The following SINHCAF variants were observed in gnomAD, a reference collection of about 807,000 sequenced individuals.
SINHCAF encodes SIN3-HDAC complex-associated factor.
In SINHCAF, 3 loss-of-function variants were observed where a neutral mutation model predicts 25.8. The ratio of observed to expected loss-of-function variants is 0.12; its 90% CI spans 0.05 to 0.30. SINHCAF has a LOEUF of 0.30. SINHCAF is among the 10% of genes least tolerant of loss of function. The pLI, the probability that SINHCAF is intolerant of heterozygous loss-of-function variation, is 1.00. For missense variants in SINHCAF, 121 were observed against 262.3 expected (o/e 0.46, Z 3.72); for synonymous variants, 70 against 85.5 (o/e 0.82, Z 1.00).
chr12:31,287,493 C>T (rs982725920), intron 5 of SINHCAF, 141 bp downstream of exon 5: 4 of 519,072 alleles, frequency 7.7e-6, no homozygotes, highest in African/African-American at 7.7e-5. Context: ...ATCCCACTTC[C>T]CTGCTCAATT....
At chr12:31,296,523 C>T (rs1352325280) in intron 2 of SINHCAF, among the ~76,000 whole-genome samples, 1 of 152,014 alleles carries the variant, frequency 6.6e-6, no homozygotes, top group Admixed American at 6.6e-5. Flanking sequence ...AATAATGTGC[C>T]ATAATATTCC....
At position 31,295,337 on chromosome 12, in the gene SINHCAF, A is replaced by G. The variant is rs748691462; in HGVS notation, c.129-4T>C. The G allele has an allele frequency of 3.2e-6, 5 of 1,584,246 alleles. No individual in the cohort carries two copies. The highest frequency in any genetic ancestry group is 2.2e-5 in the South Asian group (2 of 89,016). ...TCCTGAACGAGTCTCATGCAATCTG[A>G]TAAGAAAACAATCAAACCTTTATCA... On this transcript the variant is annotated splice_polypyrimidine_tract_variant and splice_region_variant and intron_variant, in intron 2 of 5. Transcript: ENST00000337682.
chr12:31,301,941 T>A (rs1412014654), intron 1 of SINHCAF, among the ~76,000 whole-genome samples: 21 of 152,138 alleles, frequency 1.4e-4, no homozygotes, highest in Non-Finnish European at 2.9e-5. Flanking sequence ...AGTACCAAAT[T>A]TGTGCAATAT....
intron 4 of SINHCAF, among the ~76,000 whole-genome samples, chr12:31,293,581 C>G (rs1173194887): frequency 1.3e-5 from 2 of 152,170 alleles, no homozygotes; most frequent in Non-Finnish European, 2.9e-5. Flanking sequence ...TCAGTACAAT[C>G]TGAAGTGGTT....
At position 31,314,535 on chromosome 12, in the gene SINHCAF, A is replaced by AT. The variant is rs770368252; in HGVS notation, c.-21+11488_-21+11489insA. Among the ~76,000 whole-genome samples the AT allele has an allele frequency of 7.6e-4, 116 of 152,092 alleles. 1 individual carries two copies. Among genetic ancestry groups the AT allele is most frequent in the Non-Finnish European group, 2.2e-4 (15 of 68,002 alleles). On this transcript the variant is annotated intron_variant, in intron 1 of 5. Transcript: ENST00000337682. ...AGCGAGACTCCGTCTCAAAAAAAAA[A>AT]GAAAGATGAAGATAGAGTGAAGGTG...
At chr12:31,285,054 T>C (rs926813599) in intron 5 of SINHCAF, among the ~76,000 whole-genome samples, 7 of 152,208 alleles carry the variant, frequency 4.6e-5, no homozygotes, top group African/African-American at 1.7e-4. Context: ...ATAATATCTA[T>C]GAATGTGCTA....
At chr12:31,310,723 TTAA>T (rs1447380481) in intron 1 of SINHCAF, among the ~76,000 whole-genome samples, 1 of 152,202 alleles carries the variant, frequency 6.6e-6, no homozygotes. Flanking sequence ...TTGGGAAATT[TTAA>T]TAATATGTCA....
At chr12:31,315,892 G>A (rs992357794) in intron 1 of SINHCAF, among the ~76,000 whole-genome samples, 4 of 152,180 alleles carry the variant, frequency 2.6e-5, no homozygotes, top group African/African-American at 4.8e-5. Flanking sequence ...ATGGCCGGGC[G>A]TGGTGGCTCA....
chr12:31,324,630 G>C lies in SINHCAF; in HGVS notation c.-21+1394C>G, dbSNP rs1211733261. 3 of 258,118 alleles carry C rather than the reference G, an allele frequency of 1.2e-5. No homozygotes were observed. The highest frequency in any genetic ancestry group is 2.3e-5 in the African/African-American group (1 of 43,412). 16.0% of individuals were successfully genotyped at this position (258,118 alleles called of 1,614,324 possible). A position where few individuals can be genotyped will look rare whatever the true frequency, so the allele number is the denominator to read the frequency against. On this transcript the variant is annotated intron_variant, in intron 1 of 5. Coordinates refer to ENST00000337682, the MANE Select transcript of SINHCAF (RefSeq NM_001135812.2). The surrounding 1 kb of genome is among the most constrained non-coding windows in gnomAD (Gnocchi z 5.5). Reference sequence around the variant, plus strand: ...CAGGCGGCGGCCCCGAGCGCCGGGGGCCCGCACGGGCACATGCAGCCCTTT... The same window carrying C: ...CAGGCGGCGGCCCCGAGCGCCGGGGCCCCGCACGGGCACATGCAGCCCTTT...
intron 1 of SINHCAF, among the ~76,000 whole-genome samples, chr12:31,300,444 AC>A (rs1408278760): frequency 2.0e-5 from 3 of 152,192 alleles, no homozygotes; most frequent in Admixed American, 6.5e-5. Context: ...TTTAAAAAAA[AC>A]ATTTTTAGTT....
At chr12:31,320,737 T>A (rs1179615622) in intron 1 of SINHCAF, among the ~76,000 whole-genome samples, 1 of 152,192 alleles carries the variant, frequency 6.6e-6, no homozygotes, top group East Asian at 1.9e-4. Flanking sequence ...AGTCTTTTTT[T>A]AACATTTGGT....
At chr12:31,293,751 A>G (rs1215216913) in intron 4 of SINHCAF, 54 bp downstream of exon 4, 39 of 1,484,300 alleles carry the variant, frequency 2.6e-5, no homozygotes, top group Non-Finnish European at 4.5e-6. Flanking sequence ...CACCACCCCC[A>G]GCCAAAAATA....
At position 31,325,342 on chromosome 12, in the gene SINHCAF, C is replaced by A; in HGVS notation, c.-21+682G>T. 1 of 420,116 alleles carries A rather than the reference C, an allele frequency of 2.4e-6. No individual in the cohort carries two copies. The highest frequency in any genetic ancestry group is 1.7e-5 in the South Asian group (1 of 59,360). The allele number at this position is 420,116 out of a possible 1,614,324, so 26.0% of individuals were successfully genotyped here. On this transcript the variant is annotated intron_variant, in intron 1 of 5. Transcript: ENST00000337682. The surrounding 1 kb of genome is among the most constrained non-coding windows in gnomAD (Gnocchi z 5.9). ...TTTTTAAGCGACCGCGTGTTGCTCT[C>A]ATTGTCGCATCCGCATCCCTCCGGA...
intron 4 of SINHCAF, among the ~76,000 whole-genome samples, chr12:31,288,572 C>T (rs1938170355): frequency 6.6e-6 from 1 of 152,158 alleles, no homozygotes; most frequent in African/African-American, 2.4e-5. Flanking sequence ...CCTCCCCCTC[C>T]CCCCAACCTC....
intron 1 of SINHCAF, among the ~76,000 whole-genome samples, chr12:31,309,302 G>T (rs907341464): frequency 1.3e-5 from 2 of 152,056 alleles, no homozygotes; most frequent in Admixed American, 6.6e-5. Flanking sequence ...AAGGAAAATG[G>T]GGGTGTTGCA....
In SINHCAF at chr12:31,298,215, G is replaced by A. The variant is rs1297200140; in HGVS notation, c.-11C>T. On this transcript the variant is annotated 5_prime_UTR_variant, in exon 2 of 6. Coordinates refer to ENST00000337682, the MANE Select transcript of SINHCAF (RefSeq NM_001135812.2). The stretch of plus-strand genomic sequence containing the variant: ...GTGAAAACCAAACATCTTTTCTTCT[G>A]GGCAATAGTCTGTAAAGCCAAGGGA... The A allele has an allele frequency of 6.2e-7, 1 of 1,613,746 alleles. No individual in the cohort carries two copies. Among genetic ancestry groups the A allele is most frequent in the Non-Finnish European group, 8.5e-7 (1 of 1,179,956 alleles).
At chr12:31,303,585 T>C (rs754895808) in intron 1 of SINHCAF, 3 of 152,172 alleles carry the variant, frequency 2.0e-5, no homozygotes, top group African/African-American at 7.2e-5. Context: ...AGTGCTAGGA[T>C]TGAGTGTGAG....
intron 5 of SINHCAF, among the ~76,000 whole-genome samples, chr12:31,284,536 T>A (rs1937953100): frequency 6.6e-6 from 1 of 152,178 alleles, no homozygotes; most frequent in South Asian, 2.1e-4. Context: ...AATGCTTAAG[T>A]ACTCTGTCAT....
rs536446482 is a variant in SINHCAF, at chr12:31,282,529, G to A, written c.*183C>T. ...CCCAGCTACTTGGGAGGCTGAGGCA[G>A]GAGAATCACTTGAACCCGGGAGACG... On this transcript the variant is annotated 3_prime_UTR_variant, in exon 6 of 6. Coordinates refer to ENST00000337682, the MANE Select transcript of SINHCAF (RefSeq NM_001135812.2). 2.3e-5 allele frequency: 11 copies of A among 468,510 alleles called. No individual in the cohort carries two copies. Among genetic ancestry groups the A allele is most frequent in the African/African-American group, 6.0e-5 (3 of 49,792 alleles). The allele number at this position is 468,510 out of a possible 1,614,324, so 29.0% of individuals were successfully genotyped here.
Sources: allele counts gnomAD v4.1 joint callset (sites outside exome capture counted in the v4.1 genomes callset), GRCh38; gene constraint gnomAD v4.1.1; non-coding constraint Gnocchi (gnomAD v3.1); transcripts MANE v1.5; gene names NCBI Gene and HGNC (gene_info 2026-07-23, HGNC 2026-07-21).